Variants in MAPK4 observed in about 807,000 individuals in gnomAD.
MAPK4 encodes Erk3-related.
Under a neutral mutation model 47.7 loss-of-function variants are expected in MAPK4, and 22 were observed. That is an observed-to-expected ratio of 0.46 (90% CI 0.33 to 0.66). The LOEUF is 0.66. Among genes scored for constraint, MAPK4 ranks in the 30% least tolerant of loss-of-function variants. MAPK4 has a pLI of 0.02. For synonymous variants in MAPK4, 390 were observed against 365.7 expected (o/e 1.07, Z -0.76); for missense variants, 736 against 831.7 (o/e 0.88, Z 1.42).
chr18:50,656,052 A>G (rs1181449093), intron 1 of MAPK4, among the ~76,000 whole-genome samples: 1 of 152,124 alleles, frequency 6.6e-6, no homozygotes, highest in Non-Finnish European at 1.5e-5. Flanking sequence ...ATCTAATGAG[A>G]TCCATGCCAG....
chr18:50,658,911 TGAGCTA>T (rs1402821772), intron 1 of MAPK4, among the ~76,000 whole-genome samples: 2 of 152,120 alleles, frequency 1.3e-5, no homozygotes, highest in East Asian at 3.9e-4. Flanking sequence ...TGCTTGTGAA[TGAGCTA>T]GAGGATGTTC....
rs1249071545 is a variant in MAPK4 at position 50,619,767 on chromosome 18, A to AAGGAGGTT, written c.-870-43322_-870-43321insAGGAGGTT. ...CACACTCCATGGAAACCTACTCATA[A>AAGGAGGTT]TGCTAAACCTCCTTTTAACCATTTC... On this transcript the variant is annotated intron_variant, in intron 1 of 5. Coordinates refer to ENST00000400384, the MANE Select transcript of MAPK4 (RefSeq NM_002747.4). Among the ~76,000 whole-genome samples, 4 of 152,358 alleles carry AAGGAGGTT rather than the reference A, an allele frequency of 2.6e-5. 1 individual carries two copies. Among genetic ancestry groups the AAGGAGGTT allele is most frequent in the Middle Eastern group, 6.8e-3 (2 of 294 alleles).
chr18:50,593,515 T>C (rs1219508260), intron 1 of MAPK4, among the ~76,000 whole-genome samples: 2 of 152,168 alleles, frequency 1.3e-5, no homozygotes. Context: ...GAGTCCTCTA[T>C]TTGTGAAGTG....
chr18:50,729,250 C>T lies in MAPK4; in HGVS notation c.1160C>T (p.Ala387Val). The T allele has an allele frequency of 6.2e-7, 1 of 1,608,564 alleles. No individual in the cohort carries two copies. Among genetic ancestry groups the T allele is most frequent in the Non-Finnish European group, 8.5e-7 (1 of 1,176,764 alleles). ...CAGCGCGACCCGCGCGCGGGTTCGG[C>T]GCCACTGGCTGAGGACGTGCAGGTG... ...EVQRDPRAGS[A>V]PLAEDVQVDP... The change falls in exon 6 of 6, where the codon GCG (alanine) becomes GTG (valine). Residue 387 changes from alanine (A) to valine (V), a missense_variant. By Grantham distance (64) the Ala-to-Val change is moderately conservative. Around this residue, in one of 3 missense-constraint regions of MAPK4, gnomAD observed 377 missense variants for 378.6 expected, o/e 1.00. Transcript: ENST00000400384.
At chr18:50,645,158 G>C (rs773232018) in intron 1 of MAPK4, among the ~76,000 whole-genome samples, 34 of 152,216 alleles carry the variant, frequency 2.2e-4, no homozygotes, top group Non-Finnish European at 4.7e-4. Flanking sequence ...GCTTTCTGCT[G>C]AACATCTACA....
chr18:50,599,102 G>A (rs556972724), intron 1 of MAPK4, among the ~76,000 whole-genome samples: 23 of 152,166 alleles, frequency 1.5e-4, no homozygotes, highest in African/African-American at 5.5e-4. Flanking sequence ...CCTGCAGCAG[G>A]GTGTATCTGC....
At chr18:50,726,936 A>G (rs1911234791) in intron 5 of MAPK4, among the ~76,000 whole-genome samples, 2 of 152,130 alleles carry the variant, frequency 1.3e-5, no homozygotes, top group Admixed American at 6.6e-5. Flanking sequence ...TGCAAGGTTA[A>G]GAGACTGGCA....
Position 50,675,340 on chromosome 18 carries a change from G to C in MAPK4, c.546+10836G>C, listed in dbSNP as rs1022377278. Reference sequence around the variant, plus strand: ...CATTTTTTTTTTTTTTTTTTGAGACGGAGTTTGCTCTTGTAGCCCAGACTG... The same window carrying C: ...CATTTTTTTTTTTTTTTTTTGAGACCGAGTTTGCTCTTGTAGCCCAGACTG... On this transcript the variant is annotated intron_variant, in intron 2 of 5. Coordinates refer to ENST00000400384, the MANE Select transcript of MAPK4 (RefSeq NM_002747.4). 2.1e-5 allele frequency among the ~76,000 whole-genome samples: 3 copies of C among 143,460 alleles called. No homozygotes were observed. In the Admixed American group the frequency reaches 2.1e-4, roughly 10 times the overall value. 94.1% of individuals were successfully genotyped at this position (143,460 alleles called of 152,430 possible). A position where few individuals can be genotyped will look rare whatever the true frequency, so the allele number is the denominator to read the frequency against.
At chr18:50,602,384 C>A (rs954665541) in intron 1 of MAPK4, among the ~76,000 whole-genome samples, 1 of 152,188 alleles carries the variant, frequency 6.6e-6, no homozygotes, top group Admixed American at 6.5e-5. Context: ...TGCTTCTAAG[C>A]CTTTGCTTTT....
At chr18:50,611,384 T>A (rs371992045) in intron 1 of MAPK4, among the ~76,000 whole-genome samples, 2 of 152,240 alleles carry the variant, frequency 1.3e-5, no homozygotes, top group Non-Finnish European at 1.5e-5. Flanking sequence ...CAACTTATCA[T>A]GTTTTAAAAA....
intron 1 of MAPK4, among the ~76,000 whole-genome samples, chr18:50,625,878 G>C (rs968955201): frequency 7.0e-6 from 1 of 143,636 alleles, no homozygotes; most frequent in East Asian, 2.1e-4. Context: ...TAGGGTGTGT[G>C]TATGCACACA....
At chr18:50,684,569 CCCCTTCACT>C (rs1568079935) in intron 2 of MAPK4, among the ~76,000 whole-genome samples, 1 of 151,358 alleles carries the variant, frequency 6.6e-6, no homozygotes, top group African/African-American at 2.4e-5. Flanking sequence ...AGCTTTTATT[CCCCTTCACT>C]CCCTTGGGTG....
At chr18:50,577,612 G>T (rs1421134976) in intron 1 of MAPK4, among the ~76,000 whole-genome samples, 2 of 152,108 alleles carry the variant, frequency 1.3e-5, no homozygotes, top group African/African-American at 4.8e-5. Flanking sequence ...GTGCACCAGG[G>T]TTACCCTGTG....
At chr18:50,582,273 G>A (rs2042352124) in intron 1 of MAPK4, among the ~76,000 whole-genome samples, 1 of 152,148 alleles carries the variant, frequency 6.6e-6, no homozygotes, top group South Asian at 2.1e-4. Flanking sequence ...CCTGTTCTGT[G>A]GTACAGCGAG....
At chr18:50,719,675 C>A (rs12605206) in intron 3 of MAPK4, among the ~76,000 whole-genome samples, 1 of 152,212 alleles carries the variant, frequency 6.6e-6, no homozygotes, top group African/African-American at 2.4e-5. Flanking sequence ...GCTCCAGCTG[C>A]CCTTCCAACA....
intron 1 of MAPK4, among the ~76,000 whole-genome samples, chr18:50,635,759 C>G (rs529989655): frequency 9.6e-4 from 146 of 152,242 alleles, no homozygotes; most frequent in African/African-American, 3.3e-3. Flanking sequence ...GGTCCACAGG[C>G]CCCCATGGTC....
chr18:50,604,162 C>T (rs10502909), intron 1 of MAPK4, among the ~76,000 whole-genome samples: 48,792 of 152,130 alleles, frequency 0.32, 7,841 homozygotes, highest in South Asian at 0.39. Context: ...CAGTACTTCT[C>T]AAACCATGTC....
intron 2 of MAPK4, among the ~76,000 whole-genome samples, chr18:50,689,314 C>G (rs2144342642): frequency 6.6e-6 from 1 of 150,912 alleles, no homozygotes; most frequent in Admixed American, 6.6e-5. Flanking sequence ...AGGAAAATCG[C>G]TTGAACCCAG....
At chr18:50,563,608 C>T (rs1460163448) in intron 1 of MAPK4, among the ~76,000 whole-genome samples, 1 of 152,206 alleles carries the variant, frequency 6.6e-6, no homozygotes, top group Non-Finnish European at 1.5e-5. Context: ...CTGAGCTGAA[C>T]TTGACTGTAA....
Sources: allele counts gnomAD v4.1 joint callset (sites outside exome capture counted in the v4.1 genomes callset), GRCh38; gene constraint gnomAD v4.1.1; regional missense constraint gnomAD v4.1.1; transcripts MANE v1.5; gene names NCBI Gene and HGNC (gene_info 2026-07-23, HGNC 2026-07-21).